RAP1GAP2: variants seen among roughly 807,000 people sequenced by gnomAD.
RAP1GAP2 encodes the protein rap1 GTPase-activating protein 2.
In RAP1GAP2, 27 loss-of-function variants were observed where a neutral mutation model predicts 95.0. The observed-to-expected ratio is 0.28, with a 90% CI of 0.21 to 0.39. RAP1GAP2 has a LOEUF of 0.39. Among genes scored for constraint, RAP1GAP2 ranks in the 10% least tolerant of loss-of-function variants. The pLI, the probability that RAP1GAP2 is intolerant of heterozygous loss-of-function variation, is 1.00. For synonymous variants in RAP1GAP2, 373 were observed against 380.9 expected, an observed-to-expected ratio of 0.98 and a Z score of 0.24; for missense variants, 771 against 970.0, an observed-to-expected ratio of 0.79 and a Z score of 2.72.
At position 2,965,904 on chromosome 17, in the gene RAP1GAP2, T is replaced by G. The variant is rs1344207765; in HGVS notation, c.596+261T>G. ...CCCAGACTGTACCCCTTCCTGCCCC[T>G]CTTTCTTACAAGTCCATGGCTCTGA... On this transcript the variant is annotated intron_variant, in intron 8 of 24. Coordinates refer to ENST00000254695, the MANE Select transcript of RAP1GAP2 (RefSeq NM_015085.5). The surrounding 1 kb of genome is among the most constrained non-coding windows in gnomAD (Gnocchi z 4.7). 2 of 487,558 alleles carry G rather than the reference T, an allele frequency of 4.1e-6. No homozygotes were observed. Among genetic ancestry groups the G allele is most frequent in the African/African-American group, 3.9e-5 (2 of 51,914 alleles). The allele number at this position is 487,558 out of a possible 1,614,324, so 30.2% of individuals were successfully genotyped here.
intron 1 of RAP1GAP2, among the ~76,000 whole-genome samples, chr17:2,788,032 C>A (rs1167277168): frequency 6.6e-6 from 1 of 152,078 alleles, no homozygotes; most frequent in Admixed American, 6.5e-5. Flanking sequence ...TTTGAATTTG[C>A]TATTATAATG....
chr17:2,936,126 C>CT (rs1339962747), intron 3 of RAP1GAP2, among the ~76,000 whole-genome samples: 1 of 149,840 alleles, frequency 6.7e-6, no homozygotes, highest in African/African-American at 2.5e-5. Flanking sequence ...TATTATTATA[C>CT]TTTAAGTTTT....
intron 2 of RAP1GAP2, among the ~76,000 whole-genome samples, chr17:2,882,042 G>C (rs556376175): frequency 2.0e-5 from 3 of 150,578 alleles, no homozygotes; most frequent in East Asian, 3.9e-4. Flanking sequence ...GGATGGCCTC[G>C]ATCTCCTGAC....
chr17:2,846,535 C>T (rs1290094412), intron 2 of RAP1GAP2, among the ~76,000 whole-genome samples: 2 of 152,050 alleles, frequency 1.3e-5, no homozygotes, highest in Non-Finnish European at 2.9e-5. Flanking sequence ...CTTAGCCTCC[C>T]GAGTAGCTGG....
intron 19 of RAP1GAP2, among the ~76,000 whole-genome samples, chr17:3,025,456 T>C (rs1241540068): frequency 6.6e-6 from 1 of 152,184 alleles, no homozygotes; most frequent in Non-Finnish European, 1.5e-5. Flanking sequence ...TCCATGGTCT[T>C]TGTTACACTA....
chr17:2,831,187 C>T (rs1307746079), intron 2 of RAP1GAP2, among the ~76,000 whole-genome samples: 3 of 146,368 alleles, frequency 2.0e-5, no homozygotes, highest in African/African-American at 7.7e-5. Flanking sequence ...AAGGATTCTC[C>T]TGCCTTAGCC....
At chr17:2,834,163 G>T (rs2071030410) in intron 2 of RAP1GAP2, among the ~76,000 whole-genome samples, 2 of 152,184 alleles carry the variant, frequency 1.3e-5, no homozygotes, top group African/African-American at 2.4e-5. Flanking sequence ...AGAGTTGGCT[G>T]TGGGATTGAC....
intron 2 of RAP1GAP2, among the ~76,000 whole-genome samples, chr17:2,887,687 T>G (rs932918681): frequency 3.4e-5 from 5 of 148,946 alleles, no homozygotes; most frequent in East Asian, 2.0e-4. Context: ...TTTGTTTTTT[T>G]TTTTTGAAAT....
intron 11 of RAP1GAP2, among the ~76,000 whole-genome samples, chr17:2,988,523 C>A (rs1441275092): frequency 1.3e-5 from 2 of 152,184 alleles, no homozygotes; most frequent in Non-Finnish European, 2.9e-5. Flanking sequence ...CAAGATTAAT[C>A]CAAGTTCTTG....
intron 2 of RAP1GAP2, among the ~76,000 whole-genome samples, chr17:2,901,229 C>T (rs975359518): frequency 6.6e-6 from 1 of 152,194 alleles, no homozygotes; most frequent in African/African-American, 2.4e-5. Context: ...ACCTCAGTGC[C>T]ATGTGAGAAG....
At chr17:3,016,711 A>C (rs2046781806) in intron 17 of RAP1GAP2, among the ~76,000 whole-genome samples, 1 of 147,964 alleles carries the variant, frequency 6.8e-6, no homozygotes. Flanking sequence ...CACTTATCAG[A>C]TCATTACGAT....
intron 2 of RAP1GAP2, among the ~76,000 whole-genome samples, chr17:2,807,385 G>T (rs2069568796): frequency 6.6e-6 from 1 of 152,190 alleles, no homozygotes; most frequent in African/African-American, 2.4e-5. Context: ...CACACCTAGG[G>T]CATCTGCTGA....
intron 3 of RAP1GAP2, among the ~76,000 whole-genome samples, chr17:2,912,308 T>TGG (rs966984042): frequency 1.1e-3 from 169 of 151,586 alleles, no homozygotes; most frequent in African/African-American, 4.0e-3. Context: ...GGGTGGTGTG[T>TGG]GGGGGCTTCT....
chr17:2,928,062 G>C (rs1597634566), intron 3 of RAP1GAP2, among the ~76,000 whole-genome samples: 1 of 55,990 alleles, frequency 1.8e-5, no homozygotes, highest in African/African-American at 6.1e-5. Flanking sequence ...GCTGCTTGCT[G>C]ATCCCCCAGC....
chr17:2,782,723 A>T (rs573604121), intron 1 of RAP1GAP2, among the ~76,000 whole-genome samples: 1 of 152,278 alleles, frequency 6.6e-6, no homozygotes, highest in South Asian at 2.1e-4. Flanking sequence ...GGTGGGTTCG[A>T]AAACATCCCT....
At chr17:2,975,812 T>A (rs2045091449) in intron 8 of RAP1GAP2, among the ~76,000 whole-genome samples, 1 of 152,230 alleles carries the variant, frequency 6.6e-6, no homozygotes, top group African/African-American at 2.4e-5. Context: ...GTTAGACCCG[T>A]TTCATCTTCA....
At chr17:2,923,273 C>CAG in intron 3 of RAP1GAP2, among the ~76,000 whole-genome samples, 1 of 151,494 alleles carries the variant, frequency 6.6e-6, no homozygotes, top group African/African-American at 2.4e-5. Flanking sequence ...CTCCTGACCT[C>CAG]GTGATCTGCC....
intron 2 of RAP1GAP2, among the ~76,000 whole-genome samples, chr17:2,835,322 C>T (rs954996377): frequency 3.9e-5 from 6 of 152,126 alleles, no homozygotes; most frequent in Non-Finnish European, 7.4e-5. Flanking sequence ...CGGGTTCAAG[C>T]GATTCTCCTG....
intron 3 of RAP1GAP2, among the ~76,000 whole-genome samples, chr17:2,954,261 T>C (rs7210090): frequency 0.37 from 55,837 of 150,990 alleles, 10,753 homozygotes; most frequent in African/African-American, 0.48. Context: ...CCCGCCACCA[T>C]GCCCAGCTAA....
Sources: gnomAD v4.1 joint callset for allele counts (sites outside exome capture counted in the v4.1 genomes callset) on GRCh38, gnomAD v4.1.1 for gene constraint, Gnocchi (gnomAD v3.1) non-coding constraint, MANE v1.5 for transcripts, NCBI Gene and HGNC (gene_info 2026-07-23, HGNC 2026-07-21) for gene names.